Variants in MTFMT observed in about 807,000 individuals in gnomAD.
MTFMT encodes the protein mitochondrial methionyl-tRNA formyltransferase.
A neutral mutation model predicts 51.8 loss-of-function variants in MTFMT; 47 were observed. That is an observed-to-expected ratio of 0.91 (90% CI 0.72 to 1.16). The LOEUF is 1.16. Ranked by LOEUF, MTFMT falls within the 50% of genes most tolerant of loss-of-function variation. The probability of loss-of-function intolerance (pLI) is 0.00; values close to 1 mark genes in which losing one functional copy is unlikely to be tolerated. For synonymous variants in MTFMT, 196 were observed against 176.7 expected (o/e 1.11, Z -0.87); for missense variants, 512 against 482.3 (o/e 1.06, Z -0.58).
In MTFMT at chr15:65,001,635, G is replaced by A. The variant is rs892926660; in HGVS notation, c.*1427C>T. The A allele has an allele frequency of 6.6e-6, 1 of 152,218 alleles. No homozygotes were observed. The highest frequency in any genetic ancestry group is 2.4e-5 in the African/African-American group (1 of 41,426). 9.4% of individuals were successfully genotyped at this position (152,218 alleles called of 1,614,324 possible). ...CCAGCACTTTGAGAGGCCAAGGCAG[G>A]AGGATTGCTTGGGCCCAGGAGTTCA... On this transcript the variant is annotated 3_prime_UTR_variant, in exon 9 of 9. Transcript: ENST00000220058.
intron 5 of MTFMT, among the ~76,000 whole-genome samples, chr15:65,019,084 G>A (rs1170453419): frequency 1.3e-5 from 2 of 152,206 alleles, no homozygotes; most frequent in Non-Finnish European, 2.9e-5. Context: ...TCATGTGAAA[G>A]GTTGTTAGGG....
chr15:65,003,614 T>C (rs952017237), intron 8 of MTFMT, among the ~76,000 whole-genome samples: 1 of 152,072 alleles, frequency 6.6e-6, no homozygotes, highest in South Asian at 2.1e-4. Context: ...CCCAGCACTT[T>C]GGGAGGCCGA....
chr15:65,023,764 G>C lies in MTFMT; in HGVS notation c.450C>G (p.Leu150=). The change falls in exon 3 of 9, where the codon CTC becomes CTG. Residue 150 remains leucine (L), a synonymous_variant. Transcript: ENST00000220058. Reference sequence around the variant, plus strand: ...CAGGGGCTGGGCCACGCCATCTCGGGAGGCAACTGGGATGAACATTCAATA... The same window carrying C: ...CAGGGGCTGGGCCACGCCATCTCGGCAGGCAACTGGGATGAACATTCAATA... The part of the protein sequence containing the change: ...YGILNVHPSC[L]PRWRGPAPVI... 1 of 1,612,962 alleles carries C rather than the reference G, an allele frequency of 6.2e-7. No homozygotes were observed. The highest frequency in any genetic ancestry group is 8.5e-7 in the Non-Finnish European group (1 of 1,179,318).
chr15:65,016,395 A>G lies in MTFMT; in HGVS notation c.813+41T>C, dbSNP rs367763653. 2.6e-4 allele frequency: 327 copies of G among 1,260,906 alleles called. 1 individual carries two copies. Among genetic ancestry groups the G allele is most frequent in the Non-Finnish European group, 3.4e-4 (305 of 884,312 alleles). The allele number at this position is 1,260,906 out of a possible 1,614,324, so 78.1% of individuals were successfully genotyped here. ...TTAGAAAGCAAATTACACACATAGA[A>G]AACCAACTAGGTAGAACTGCAACCT... On this transcript the variant is annotated intron_variant, in intron 6 of 8. Coordinates refer to ENST00000220058, the MANE Select transcript of MTFMT (RefSeq NM_139242.4).
At chr15:65,022,705 AT>A (rs35591836) in intron 3 of MTFMT, among the ~76,000 whole-genome samples, 45,036 of 134,554 alleles carry the variant, frequency 0.33, 7,938 homozygotes, top group South Asian at 0.48. Flanking sequence ...CATCATTCAG[AT>A]TTTTTTTTTT....
At chr15:65,009,378 A>G (rs1485754143) in intron 6 of MTFMT, among the ~76,000 whole-genome samples, 1 of 152,208 alleles carries the variant, frequency 6.6e-6, no homozygotes, top group Non-Finnish European at 1.5e-5. Flanking sequence ...CAAACTTAAC[A>G]TGGCCAAAAC....
Position 65,005,655 on chromosome 15 carries a change from C to T in MTFMT, c.892+458G>A, listed in dbSNP as rs372410142. On this transcript the variant is annotated intron_variant, in intron 7 of 8. Coordinates refer to ENST00000220058, the MANE Select transcript of MTFMT (RefSeq NM_139242.4). ...AATGGAGTTTCACTCATTGCCCAGGCTGGAGTGCAGCGGCGCAATCTTGGC... is the reference window on the plus strand; with the variant it reads ...AATGGAGTTTCACTCATTGCCCAGGTTGGAGTGCAGCGGCGCAATCTTGGC... 1.6e-4 allele frequency among the ~76,000 whole-genome samples: 24 copies of T among 145,844 alleles called. No individual in the cohort carries two copies. The East Asian group carries it at 4.6e-3, about 28-fold the overall frequency.
At chr15:65,024,218 C>T (rs1283228537) in intron 2 of MTFMT, among the ~76,000 whole-genome samples, 2 of 152,072 alleles carry the variant, frequency 1.3e-5, no homozygotes, top group Non-Finnish European at 2.9e-5. Context: ...CCCAGCTACT[C>T]GGAAGGCTGA....
chr15:65,003,584 T>G (rs1206373461), intron 8 of MTFMT, among the ~76,000 whole-genome samples: 1 of 151,546 alleles, frequency 6.6e-6, no homozygotes, highest in African/African-American at 2.4e-5. Context: ...AGGCCAGGCG[T>G]GGTGGCTCAC....
At chr15:65,004,503 A>G (rs1474066943) in intron 8 of MTFMT, among the ~76,000 whole-genome samples, 1 of 152,218 alleles carries the variant, frequency 6.6e-6, no homozygotes, top group Non-Finnish European at 1.5e-5. Flanking sequence ...AGCAAGTAGG[A>G]TATGTGTGTC....
chr15:65,009,358 T>A (rs1010708291), intron 6 of MTFMT, among the ~76,000 whole-genome samples: 1 of 152,200 alleles, frequency 6.6e-6, no homozygotes, highest in Non-Finnish European at 1.5e-5. Flanking sequence ...TCTTCTAACT[T>A]AATATATGTC....
rs1338532329 is a variant in MTFMT, at chr15:65,022,476, G to C, written c.543-860C>G. Among the ~76,000 whole-genome samples the C allele has an allele frequency of 2.6e-5, 4 of 151,374 alleles. No individual in the cohort carries two copies. The South Asian group carries it at 6.2e-4, about 24-fold the overall frequency. On this transcript the variant is annotated intron_variant, in intron 3 of 8. Transcript: ENST00000220058. Reference sequence around the variant, plus strand: ...TCAAGAAAAAAAAAAAAAAGTAAATGCAAGTATATTTGCATTCCCACAAGT... The same window carrying C: ...TCAAGAAAAAAAAAAAAAAGTAAATCCAAGTATATTTGCATTCCCACAAGT...
At chr15:65,025,523 C>A (rs1595893179) in intron 2 of MTFMT, among the ~76,000 whole-genome samples, 2 of 152,024 alleles carry the variant, frequency 1.3e-5, no homozygotes, top group Non-Finnish European at 2.9e-5. Flanking sequence ...GTAATGTAGG[C>A]GAGAGTGGCA....
At chr15:65,013,801 C>T (rs949481302) in intron 6 of MTFMT, among the ~76,000 whole-genome samples, 3 of 151,988 alleles carry the variant, frequency 2.0e-5, no homozygotes, top group African/African-American at 7.3e-5. Flanking sequence ...AAAAAATGAG[C>T]TGAGCATGGT....
intron 8 of MTFMT, among the ~76,000 whole-genome samples, chr15:65,003,845 C>CAAAAA (rs768884218): frequency 2.0e-4 from 8 of 40,632 alleles, no homozygotes; most frequent in South Asian, 1.3e-3. Flanking sequence ...AACTCCATCT[C>CAAAAA]AAAAAAAAAA....
intron 6 of MTFMT, among the ~76,000 whole-genome samples, chr15:65,013,206 T>C (rs549692981): frequency 2.0e-5 from 3 of 152,162 alleles, no homozygotes; most frequent in African/African-American, 7.2e-5. Flanking sequence ...ACATTTAACT[T>C]TGAGAGCGCA....
chr15:65,010,185 TTTTTG>T (rs568698498), intron 6 of MTFMT, among the ~76,000 whole-genome samples: 3 of 152,220 alleles, frequency 2.0e-5, no homozygotes, highest in Non-Finnish European at 4.4e-5. Context: ...TTGGGTTGTT[TTTTTG>T]TTTTGTTTTG....
intron 2 of MTFMT, chr15:65,026,297 T>C: frequency 5.2e-6 from 1 of 192,086 alleles, no homozygotes; most frequent in Non-Finnish European, 1.1e-5. Flanking sequence ...AGCTGCTGGC[T>C]TACCAATGGC....
intron 7 of MTFMT, 130 bp downstream of exon 7, chr15:65,005,983 G>A (rs2086216761): frequency 3.4e-6 from 2 of 583,614 alleles, no homozygotes; most frequent in Non-Finnish European, 6.1e-6. Flanking sequence ...TGAATGTAAA[G>A]TATTATAATT....
Sources: allele counts gnomAD v4.1 joint callset (sites outside exome capture counted in the v4.1 genomes callset), GRCh38; gene constraint gnomAD v4.1.1; transcripts MANE v1.5; gene names NCBI Gene and HGNC (gene_info 2026-07-23, HGNC 2026-07-21).